ELOVL2: variants seen among roughly 807,000 people sequenced by gnomAD.
The protein encoded by ELOVL2 is very long chain fatty acid elongase 2.
In ELOVL2, 38 loss-of-function variants were observed where a neutral mutation model predicts 37.7. That is an observed-to-expected ratio of 1.01 (90% CI 0.78 to 1.32). The LOEUF is 1.32. ELOVL2 is among the 40% of genes most tolerant of loss of function. The probability of loss-of-function intolerance (pLI) is 0.00; values close to 1 mark genes in which losing one functional copy is unlikely to be tolerated. For missense variants in ELOVL2, 352 were observed against 363.6 expected (o/e 0.97, Z 0.26); for synonymous variants, 115 against 122.3 (o/e 0.94, Z 0.40).
chr6:10,990,517 C>T, intron 5 of ELOVL2, 75 bp from the exon 6 acceptor site: 5 of 1,413,742 alleles, frequency 3.5e-6, no homozygotes, highest in South Asian at 1.5e-5. Context: ...GTGAGATTCT[C>T]TCTCTGCATG....
chr6:11,020,778 T>C (rs894729266), intron 1 of ELOVL2, among the ~76,000 whole-genome samples: 9 of 152,164 alleles, frequency 5.9e-5, no homozygotes, highest in Admixed American at 3.9e-4. Context: ...TAGGTTAAAT[T>C]TTTACAAAAA....
chr6:11,010,798 C>T lies in ELOVL2; in HGVS notation c.15G>A (p.Lys5=). Reference sequence around the variant, plus strand: ...AAGCATTGATTTCATCATCAAAGGCCTTTAGATGTTCCTAAAAAGAGAAAG... The same window carrying T: ...AAGCATTGATTTCATCATCAAAGGCTTTTAGATGTTCCTAAAAAGAGAAAG... MEHL[K]AFDDEINAFL... The change falls in exon 2 of 8, where the codon AAG becomes AAA. Residue 5 remains lysine, a synonymous_variant. Transcript: ENST00000354666. 1.9e-6 allele frequency: 3 copies of T among 1,607,992 alleles called. No individual in the cohort carries two copies. Among genetic ancestry groups the T allele is most frequent in the Non-Finnish European group, 2.5e-6 (3 of 1,178,332 alleles).
At chr6:10,991,799 A>G (rs1364338360) in intron 5 of ELOVL2, among the ~76,000 whole-genome samples, 2 of 152,228 alleles carry the variant, frequency 1.3e-5, no homozygotes, top group South Asian at 4.1e-4. Context: ...TTTCATTTCC[A>G]TCAATTAATG....
At chr6:10,994,877 C>T (rs1260302267) in intron 5 of ELOVL2, 130 bp downstream of exon 5, 3 of 689,728 alleles carry the variant, frequency 4.3e-6, no homozygotes, top group African/African-American at 3.7e-5. Flanking sequence ...GGGCATCCTG[C>T]TGCGGCAAGG....
In ELOVL2 at chr6:10,981,667, T is replaced by C. The variant is rs1781936406; in HGVS notation, c.*2114A>G. 1 of 152,252 alleles carries C rather than the reference T, an allele frequency of 6.6e-6. No homozygotes were observed. Among genetic ancestry groups the C allele is most frequent in the African/African-American group, 2.4e-5 (1 of 41,446 alleles). The allele number at this position is 152,252 out of a possible 1,614,324, so 9.4% of individuals were successfully genotyped here. A position where few individuals can be genotyped will look rare whatever the true frequency, so the allele number is the denominator to read the frequency against. On this transcript the variant is annotated 3_prime_UTR_variant, in exon 8 of 8. Transcript: ENST00000354666. ...GACAGCTCCCTCCTTGCCATACAGATATGAAGCCCAGGAAAACATCCAGAG... is the reference window on the plus strand; with the variant it reads ...GACAGCTCCCTCCTTGCCATACAGACATGAAGCCCAGGAAAACATCCAGAG...
At chr6:11,017,679 A>G (rs1782705240) in intron 1 of ELOVL2, among the ~76,000 whole-genome samples, 1 of 152,218 alleles carries the variant, frequency 6.6e-6, no homozygotes, top group South Asian at 2.1e-4. Context: ...TAGTTACCAA[A>G]GAAGAGGGAA....
At chr6:11,031,832 T>C (rs577569288) in intron 1 of ELOVL2, among the ~76,000 whole-genome samples, 24 of 152,102 alleles carry the variant, frequency 1.6e-4, no homozygotes, top group Non-Finnish European at 3.1e-4. Flanking sequence ...TTTTTGCATA[T>C]TGTTATCAGG....
chr6:10,989,823 G>T lies in ELOVL2; in HGVS notation c.645C>A (p.Leu215=). The part of the protein sequence containing the change: ...LTQAQLVQFV[L]TITHTMSAVV... ...CGGCGCTCATGGTGTGCGTGATGGT[G>T]AGCACGAACTGCACCTGGGGACGGC... The change falls in exon 7 of 8, where the codon CTC becomes CTA. Residue 215 remains leucine (L), a synonymous_variant. Transcript: ENST00000354666. 6.2e-7 allele frequency: 1 copy of T among 1,614,150 alleles called. No homozygotes were observed. Among genetic ancestry groups the T allele is most frequent in the Admixed American group, 1.7e-5 (1 of 60,002 alleles).
At chr6:11,028,727 C>A (rs1359789867) in intron 1 of ELOVL2, among the ~76,000 whole-genome samples, 2 of 151,662 alleles carry the variant, frequency 1.3e-5, no homozygotes, top group Non-Finnish European at 2.9e-5. Context: ...TTATAAAGAA[C>A]TAGAATGTGT....
intron 1 of ELOVL2, among the ~76,000 whole-genome samples, chr6:11,019,418 A>G (rs1049330579): frequency 2.0e-5 from 3 of 152,242 alleles, no homozygotes; most frequent in Admixed American, 1.3e-4. Flanking sequence ...AAGAATTCCT[A>G]TAGTTTCCTA....
chr6:11,022,228 CT>C lies in ELOVL2; in HGVS notation c.4-11420del, dbSNP rs751696951. ...GTGGAGTGTGTTACCTGCAAGCCTC[CT>C]GTGTCAGAAGTTGTGTCCAGCTAGA... On this transcript the variant is annotated intron_variant, in intron 1 of 7. Coordinates refer to ENST00000354666, the MANE Select transcript of ELOVL2 (RefSeq NM_017770.4). Among the ~76,000 whole-genome samples the C allele has an allele frequency of 5.9e-5, 9 of 152,302 alleles. 1 individual carries two copies. The South Asian group carries it at 1.9e-3, about 32-fold the overall frequency.
At chr6:11,037,721 CTTAAA>C (rs1311951512) in intron 1 of ELOVL2, among the ~76,000 whole-genome samples, 1 of 152,118 alleles carries the variant, frequency 6.6e-6, no homozygotes, top group Non-Finnish European at 1.5e-5. Context: ...CTTTGTTCCC[CTTAAA>C]TTATATTAGT....
chr6:10,990,230 A>G, intron 6 of ELOVL2, 88 bp downstream of exon 6: 1 of 1,535,742 alleles, frequency 6.5e-7, no homozygotes. Context: ...CTCATCACAC[A>G]TAAAAAGCCC....
At chr6:11,028,917 C>G (rs1782876566) in intron 1 of ELOVL2, among the ~76,000 whole-genome samples, 1 of 151,894 alleles carries the variant, frequency 6.6e-6, no homozygotes, top group Non-Finnish European at 1.5e-5. Context: ...GTAAATGAGA[C>G]TGTAGCATCT....
intron 2 of ELOVL2, among the ~76,000 whole-genome samples, chr6:11,009,439 T>C (rs1448289135): frequency 6.6e-6 from 1 of 152,184 alleles, no homozygotes; most frequent in Non-Finnish European, 1.5e-5. Flanking sequence ...TTTTGGACCA[T>C]GGTTGACCAC....
At chr6:11,008,522 G>A (rs1782517133) in intron 2 of ELOVL2, among the ~76,000 whole-genome samples, 1 of 151,716 alleles carries the variant, frequency 6.6e-6, no homozygotes, top group Non-Finnish European at 1.5e-5. Context: ...ACTAAGAGAG[G>A]GGGCTCCGGG....
chr6:10,992,809 A>AAAAAAT (rs1407547952), intron 5 of ELOVL2, among the ~76,000 whole-genome samples: 1 of 150,360 alleles, frequency 6.7e-6, no homozygotes, highest in Non-Finnish European at 1.5e-5. Flanking sequence ...ACAAAAAAAA[A>AAAAAAT]CAAAAAAAAA....
rs1459345341 is a variant in ELOVL2 at position 11,005,700 on chromosome 6, T to C, written c.68-141A>G. 4.4e-6 allele frequency: 3 copies of C among 686,112 alleles called. No individual in the cohort carries two copies. In the East Asian group the frequency reaches 8.5e-5, roughly 20 times the overall value. 42.5% of individuals were successfully genotyped at this position (686,112 alleles called of 1,614,324 possible). A position where few individuals can be genotyped will look rare whatever the true frequency, so the allele number is the denominator to read the frequency against. ...AACATTAGGTAGGCTGGCCTGGGTTTAGAGTTCAGGGGAAGAGGAAGCCTG... is the reference window on the plus strand; with the variant it reads ...AACATTAGGTAGGCTGGCCTGGGTTCAGAGTTCAGGGGAAGAGGAAGCCTG... On this transcript the variant is annotated intron_variant, in intron 2 of 7. Coordinates refer to ENST00000354666, the MANE Select transcript of ELOVL2 (RefSeq NM_017770.4).
At chr6:11,039,727 C>T (rs1783071543) in intron 1 of ELOVL2, among the ~76,000 whole-genome samples, 1 of 152,182 alleles carries the variant, frequency 6.6e-6, no homozygotes, top group Admixed American at 6.5e-5. Flanking sequence ...TCTTCCCTTC[C>T]CCTAGCTTAT....
Sources: allele counts gnomAD v4.1 joint callset (sites outside exome capture counted in the v4.1 genomes callset), GRCh38; gene constraint gnomAD v4.1.1; transcripts MANE v1.5; gene names NCBI Gene and HGNC (gene_info 2026-07-23, HGNC 2026-07-21).